DNAH11: variants seen among roughly 807,000 people sequenced by gnomAD.
DNAH11 encodes the protein axonemal beta dynein heavy chain 11.
In DNAH11, 442 loss-of-function variants were observed where a neutral mutation model predicts 526.0. That is an observed-to-expected ratio of 0.84 (90% CI 0.78 to 0.91). The LOEUF (loss-of-function observed/expected upper bound fraction) is 0.91. Among genes scored for constraint, DNAH11 ranks in the 40% least tolerant of loss-of-function variants. The pLI, the probability that DNAH11 is intolerant of heterozygous loss-of-function variation, is 0.00. For missense variants in DNAH11, 6,989 were observed against 5,448.7 expected, an observed-to-expected ratio of 1.28 and a Z score of -8.90; for synonymous variants, 2,461 against 1,935.9, an observed-to-expected ratio of 1.27 and a Z score of -7.12.
chr7:21,744,304 A>G, intron 49 of DNAH11, 134 bp from the exon 50 acceptor site: 1 of 1,015,350 alleles, frequency 9.8e-7, no homozygotes, highest in Non-Finnish European at 1.5e-6. Context: ...TTATACACGA[A>G]CACGCACATT....
intron 20 of DNAH11, among the ~76,000 whole-genome samples, chr7:21,614,807 T>C (rs1785689255): frequency 6.6e-6 from 1 of 152,118 alleles, no homozygotes; most frequent in African/African-American, 2.4e-5. Flanking sequence ...ATTCCCCAGC[T>C]CTCGGTACAA....
chr7:21,790,429 G>A (rs1412417324), intron 61 of DNAH11, among the ~76,000 whole-genome samples: 3 of 152,078 alleles, frequency 2.0e-5, no homozygotes, highest in African/African-American at 4.8e-5. Flanking sequence ...CAGCCTGGGC[G>A]ACAGAGCAAG....
intron 79 of DNAH11, among the ~76,000 whole-genome samples, chr7:21,897,992 C>T (rs891439961): frequency 2.6e-5 from 4 of 152,148 alleles, no homozygotes; most frequent in Admixed American, 6.6e-5. Flanking sequence ...ATTATTCTCC[C>T]TTACGCTGTT....
intron 61 of DNAH11, among the ~76,000 whole-genome samples, chr7:21,799,294 C>A (rs918144420): frequency 6.6e-6 from 1 of 152,006 alleles, no homozygotes; most frequent in African/African-American, 2.4e-5. Context: ...TATAAGTACT[C>A]TTAATAACCC....
chr7:21,664,546 A>T (rs1301406400), intron 30 of DNAH11, among the ~76,000 whole-genome samples: 1 of 151,688 alleles, frequency 6.6e-6, no homozygotes, highest in Non-Finnish European at 1.5e-5. Flanking sequence ...GCAGCCTCAA[A>T]CTCCTGGGCT....
intron 69 of DNAH11, among the ~76,000 whole-genome samples, chr7:21,863,965 A>C (rs1783171380): frequency 6.6e-6 from 1 of 152,180 alleles, no homozygotes; most frequent in African/African-American, 2.4e-5. Context: ...TGTACTCTCC[A>C]AAATATACTT....
intron 25 of DNAH11, among the ~76,000 whole-genome samples, chr7:21,634,501 C>T (rs555207105): frequency 2.0e-5 from 3 of 152,216 alleles, no homozygotes; most frequent in African/African-American, 7.2e-5. Context: ...GAAAAATGAG[C>T]AGTAGAGGTC....
intron 2 of DNAH11, among the ~76,000 whole-genome samples, chr7:21,558,076 AT>A (rs1232124973): frequency 6.6e-6 from 1 of 152,230 alleles, no homozygotes; most frequent in Non-Finnish European, 1.5e-5. Context: ...TTTTCTGAGC[AT>A]TTTGGCTAAT....
chr7:21,854,779 A>G (rs1372235474), intron 68 of DNAH11, among the ~76,000 whole-genome samples: 1 of 151,886 alleles, frequency 6.6e-6, no homozygotes, highest in East Asian at 1.9e-4. Context: ...CTGACCTCAA[A>G]TGATCTCCCC....
intron 11 of DNAH11, 69 bp from the exon 12 acceptor site, chr7:21,589,139 C>G: frequency 2.6e-6 from 3 of 1,158,172 alleles, no homozygotes; most frequent in Non-Finnish European, 3.6e-6. Flanking sequence ...TATTGTATTA[C>G]TATACAATTA....
At chr7:21,734,119 G>A (rs757799207) in intron 45 of DNAH11, among the ~76,000 whole-genome samples, 2 of 152,068 alleles carry the variant, frequency 1.3e-5, no homozygotes. Flanking sequence ...GTCAGGCTCT[G>A]TCAGACTTGG....
chr7:21,895,848 G>A (rs1171061029), intron 79 of DNAH11, among the ~76,000 whole-genome samples: 1 of 152,154 alleles, frequency 6.6e-6, no homozygotes, highest in Non-Finnish European at 1.5e-5. Flanking sequence ...TCCTGCCTCA[G>A]CCTCCCGAGT....
Position 21,588,611 on chromosome 7 carries a change from T to C in DNAH11, c.1948T>C (p.Ser650Pro), listed in dbSNP as rs1784559016. 6.2e-7 allele frequency: 1 copy of C among 1,613,522 alleles called. No individual in the cohort carries two copies. Residue 650 changes from serine (S) to proline (P), a missense_variant, in exon 11 of 82, where the codon TCA becomes CCA. Physicochemically the swap from Ser to Pro is moderately conservative, Grantham distance 74 (BLOSUM62 -1). Coordinates refer to ENST00000409508, the MANE Select transcript of DNAH11 (RefSeq NM_001277115.2). ...QVLQRLQMFW[S>P]NFASLRYLFL... is the part of the protein sequence containing the mutation. ...TCTCCAACGACTTCAAATGTTTTGG[T>C]CAAACTTCGCATCTCTCCGTTATCT...
intron 2 of DNAH11, among the ~76,000 whole-genome samples, chr7:21,547,684 C>T (rs1782856067): frequency 6.6e-6 from 1 of 152,194 alleles, no homozygotes; most frequent in African/African-American, 2.4e-5. Flanking sequence ...TGACTTTCTA[C>T]ATGCATGAGC....
At chr7:21,749,634 C>T in intron 52 of DNAH11, 44 bp from the exon 53 acceptor site, 1 of 1,609,898 alleles carries the variant, frequency 6.2e-7, no homozygotes, top group Non-Finnish European at 8.5e-7. Context: ...CTCAACGCCG[C>T]ATCAGCATTT....
intron 10 of DNAH11, 144 bp downstream of exon 10, chr7:21,588,345 G>T: frequency 7.6e-7 from 1 of 1,322,410 alleles, no homozygotes. Context: ...TCCTCATGGA[G>T]ATGGTAAACT....
chr7:21,900,917 T>C, intron 81 of DNAH11, 90 bp from the exon 82 acceptor site: 3 of 1,456,658 alleles, frequency 2.1e-6, no homozygotes, highest in Non-Finnish European at 2.7e-6. Flanking sequence ...AACCAGAATG[T>C]TGAATGTTTA....
chr7:21,638,182 G>A (rs369710383), intron 27 of DNAH11, among the ~76,000 whole-genome samples: 9 of 152,178 alleles, frequency 5.9e-5, no homozygotes, highest in Non-Finnish European at 8.8e-5. Context: ...GTTAGTGGTC[G>A]TAAGAATATT....
At chr7:21,731,483 A>G (rs530308008) in intron 45 of DNAH11, among the ~76,000 whole-genome samples, 9 of 152,362 alleles carry the variant, frequency 5.9e-5, no homozygotes, top group East Asian at 3.9e-4. Context: ...ACCTAGACCT[A>G]GATACACCAA....
Sources: gnomAD v4.1 joint callset for allele counts (sites outside exome capture counted in the v4.1 genomes callset) on GRCh38, gnomAD v4.1.1 for gene constraint, MANE v1.5 for transcripts, NCBI Gene and HGNC (gene_info 2026-07-23, HGNC 2026-07-21) for gene names.